The following CRYZL1 variants were observed in gnomAD, a reference collection of about 807,000 sequenced individuals.
The protein encoded by CRYZL1 is ferry endosomal RAB5 effector complex subunit 4.
A neutral mutation model predicts 50.6 loss-of-function variants in CRYZL1; 34 were observed. The ratio of observed to expected loss-of-function variants is 0.67; its 90% CI spans 0.51 to 0.89. The LOEUF (loss-of-function observed/expected upper bound fraction) is 0.89, where lower values mean the gene tolerates loss of function less well. Among genes scored for constraint, CRYZL1 ranks in the 40% least tolerant of loss-of-function variants. The pLI is 0.00. For synonymous variants in CRYZL1, 125 were observed against 134.3 expected, an observed-to-expected ratio of 0.93 and a Z score of 0.48; for missense variants, 354 against 402.3, an observed-to-expected ratio of 0.88 and a Z score of 1.03.
At chr21:33,624,910 GAA>G in intron 2 of CRYZL1, 150 bp from the exon 3 acceptor site, 1 of 1,123,236 alleles carries the variant, frequency 8.9e-7, no homozygotes, top group Non-Finnish European at 1.2e-6. Flanking sequence ...AGTAATTATA[GAA>G]ATGTATATAA....
chr21:33,591,197 C>T lies in CRYZL1; in HGVS notation c.915G>A (p.Lys305=), dbSNP rs2086640057. The stretch of plus-strand genomic sequence containing the variant: ...CAGTTGATAACTTCTCCATCACATC[C>T]TTTAAGATACGTAGCTGGAAGGATT... ...VQQGKYLCIL[K]DVMEKLSTGV... The change falls in exon 12 of 13, where the codon AAG becomes AAA. Residue 305 remains lysine (K), a synonymous_variant. Coordinates refer to ENST00000381554, the MANE Select transcript of CRYZL1 (RefSeq NM_145858.3). The T allele has an allele frequency of 6.2e-7, 1 of 1,609,740 alleles. No individual in the cohort carries two copies. Among genetic ancestry groups the T allele is most frequent in the Admixed American group, 1.7e-5 (1 of 60,006 alleles).
intron 1 of CRYZL1, among the ~76,000 whole-genome samples, chr21:33,632,538 C>CTATTTTTTGTATTTTTA (rs2087153799): frequency 6.6e-6 from 1 of 151,734 alleles, no homozygotes; most frequent in Non-Finnish European, 1.5e-5. Flanking sequence ...CCACCATGCC[C>CTATTTTTTGTATTTTTA]GGCTAAATTT....
chr21:33,600,951 TTTG>T lies in CRYZL1; in HGVS notation c.577+1280_577+1282del, dbSNP rs1392416565. Among the ~76,000 whole-genome samples the T allele has an allele frequency of 6.0e-5, 8 of 133,292 alleles. 1 individual carries two copies. The highest frequency in any genetic ancestry group is 6.3e-5 in the Non-Finnish European group (4 of 63,298). The allele number at this position is 133,292 out of a possible 152,430, so 87.4% of individuals were successfully genotyped here. On this transcript the variant is annotated intron_variant, in intron 8 of 12. Transcript: ENST00000381554. ...CCATAAAGTTTTTTTTTTTTTTTTT[TTTG>T]GGGGCGGACTGTCGCTCTGTTGCCC...
intron 11 of CRYZL1, among the ~76,000 whole-genome samples, chr21:33,593,982 C>CAAA (rs1167158360): frequency 1.0e-4 from 5 of 48,908 alleles, no homozygotes; most frequent in Non-Finnish European, 1.4e-4. Context: ...GACTCTGTCT[C>CAAA]AAAAAAAAAA....
chr21:33,601,604 T>C (rs887611964), intron 8 of CRYZL1, among the ~76,000 whole-genome samples: 3 of 151,986 alleles, frequency 2.0e-5, no homozygotes, highest in African/African-American at 7.2e-5. Context: ...AAAAAATAAT[T>C]AAAATTAAAA....
At chr21:33,606,992 G>T (rs2086821484) in intron 6 of CRYZL1, among the ~76,000 whole-genome samples, 1 of 152,136 alleles carries the variant, frequency 6.6e-6, no homozygotes, top group African/African-American at 2.4e-5. Flanking sequence ...TCCAGCCTGG[G>T]CAACAAGAGT....
intron 5 of CRYZL1, among the ~76,000 whole-genome samples, chr21:33,614,263 T>C (rs934815798): frequency 2.0e-5 from 3 of 151,806 alleles, no homozygotes; most frequent in East Asian, 1.9e-4. Flanking sequence ...GGCAGGAGGA[T>C]TGCTTGAGGC....
chr21:33,628,090 A>T (rs1187895381), intron 2 of CRYZL1, among the ~76,000 whole-genome samples: 1 of 152,154 alleles, frequency 6.6e-6, no homozygotes, highest in East Asian at 1.9e-4. Context: ...GGAAACTTGC[A>T]TTATTGTGGT....
intron 7 of CRYZL1, chr21:33,603,144 CT>C (rs1320877721): frequency 2.6e-6 from 1 of 382,716 alleles, no homozygotes; most frequent in Non-Finnish European, 4.8e-6. Context: ...GCATCTTAGG[CT>C]TTGTCTAACA....
In CRYZL1 at chr21:33,613,539, C is replaced by T. The variant is rs760604688; in HGVS notation, c.330G>A (p.Leu110=). 1.1e-5 allele frequency: 18 copies of T among 1,603,560 alleles called. No homozygotes were observed. The highest frequency in any genetic ancestry group is 2.7e-5 in the African/African-American group (2 of 74,730). The part of the protein sequence containing the change: ...CEVVRVHEHY[L]VHKPEKVTWT... ...CCAAAGTACTGAATTGCTACATACC[C>T]AAGTAATGCTCATGTACTCTAACAA... The change falls in exon 6 of 13, where the codon TTG becomes TTA. Residue 110 remains leucine (L), a splice_region_variant and synonymous_variant. Transcript: ENST00000381554.
chr21:33,615,977 T>C (rs113772610), intron 5 of CRYZL1, among the ~76,000 whole-genome samples: 1 of 152,178 alleles, frequency 6.6e-6, no homozygotes, highest in Non-Finnish European at 1.5e-5. Flanking sequence ...CATGTGCACA[T>C]TGTGCAGGTT....
intron 2 of CRYZL1, among the ~76,000 whole-genome samples, chr21:33,625,238 C>T (rs945679414): frequency 2.6e-5 from 4 of 151,790 alleles, no homozygotes; most frequent in Admixed American, 6.6e-5. Flanking sequence ...TCACTGCAAG[C>T]TCTGCCTCCC....
chr21:33,613,998 C>T (rs2086900593), intron 5 of CRYZL1, among the ~76,000 whole-genome samples: 1 of 152,048 alleles, frequency 6.6e-6, no homozygotes, highest in African/African-American at 2.4e-5. Context: ...TGGAGAAACC[C>T]TGTCTCTACT....
intron 2 of CRYZL1, among the ~76,000 whole-genome samples, chr21:33,626,683 C>T (rs1235175741): frequency 2.0e-5 from 3 of 146,530 alleles, no homozygotes; most frequent in East Asian, 2.0e-4. Context: ...GGTGACAGAG[C>T]GAGACCCTGT....
Position 33,633,419 on chromosome 21 carries a change from CT to C in CRYZL1, c.-6-1863del, listed in dbSNP as rs912871391. On this transcript the variant is annotated intron_variant, in intron 1 of 12. Transcript: ENST00000381554. ...TAGATATATCAATTAAAGTTGAATA[CT>C]TTTTTTTTTTCTTTTTTTTGCAACA... Among the ~76,000 whole-genome samples the C allele has an allele frequency of 6.9e-3, 1,019 of 147,882 alleles. 11 individuals are homozygous for C. Among genetic ancestry groups the C allele is most frequent in the African/African-American group, 0.021 (862 of 40,494 alleles).
intron 4 of CRYZL1, among the ~76,000 whole-genome samples, chr21:33,620,872 T>C (rs1305063024): frequency 6.8e-6 from 1 of 146,128 alleles, no homozygotes; most frequent in Non-Finnish European, 1.5e-5. Context: ...AGGCATAATG[T>C]CGTGTACCCG....
chr21:33,594,352 G>A (rs906670854), intron 11 of CRYZL1, among the ~76,000 whole-genome samples: 9 of 151,112 alleles, frequency 6.0e-5, no homozygotes, highest in African/African-American at 1.7e-4. Flanking sequence ...TAATAGAGAC[G>A]GGGTTTCATC....
At chr21:33,627,749 T>G (rs893820166) in intron 2 of CRYZL1, among the ~76,000 whole-genome samples, 19 of 144,044 alleles carry the variant, frequency 1.3e-4, no homozygotes, top group Admixed American at 2.8e-4. Context: ...GTTTTTTTTT[T>G]TTTTTTTTTT....
At chr21:33,623,884 G>A (rs1337450812) in intron 3 of CRYZL1, among the ~76,000 whole-genome samples, 1 of 152,064 alleles carries the variant, frequency 6.6e-6, no homozygotes, top group Non-Finnish European at 1.5e-5. Context: ...AAAGATTACT[G>A]CAGGGTAATG....
Sources: allele counts gnomAD v4.1 joint callset (sites outside exome capture counted in the v4.1 genomes callset), GRCh38; gene constraint gnomAD v4.1.1; transcripts MANE v1.5; gene names NCBI Gene and HGNC (gene_info 2026-07-23, HGNC 2026-07-21).